ALX4: variants seen among roughly 807,000 people sequenced by gnomAD.
The protein encoded by ALX4 is ALX homeobox 4, also known as homeobox protein aristaless-like 4.
A neutral mutation model predicts 40.6 loss-of-function variants in ALX4; 22 were observed. The ratio of observed to expected loss-of-function variants is 0.54; its 90% CI spans 0.39 to 0.77. ALX4 has a LOEUF of 0.77. Among genes scored for constraint, ALX4 ranks in the 30% least tolerant of loss-of-function variants. The pLI, the probability that ALX4 is intolerant of heterozygous loss-of-function variation, is 0.00. For synonymous variants in ALX4, 266 were observed against 240.5 expected, an observed-to-expected ratio of 1.11 and a Z score of -0.98; for missense variants, 556 against 564.8, an observed-to-expected ratio of 0.98 and a Z score of 0.16.
intron 1 of ALX4, among the ~76,000 whole-genome samples, chr11:44,283,488 T>C (rs997284484): frequency 1.3e-5 from 2 of 152,206 alleles, no homozygotes; most frequent in African/African-American, 2.4e-5. Flanking sequence ...AATCAAAATA[T>C]TCAACAATAG....
Position 44,310,009 on chromosome 11 carries a change from G to A in ALX4, c.54C>T (p.Asp18=). ...TCTGCGACACCGGGCTGTAGTAGGC[G>A]TCCATGGCAGCGGCCGGCGACTCGC... The part of the protein sequence containing the change: ...SYCESPAAAM[D]AYYSPVSQSR... The change falls in exon 1 of 4, where the codon GAC becomes GAT. Residue 18 remains aspartate (D), a synonymous_variant. Coordinates refer to ENST00000652299, the MANE Select transcript of ALX4 (RefSeq NM_021926.4). The A allele has an allele frequency of 6.2e-7, 1 of 1,603,776 alleles. No individual in the cohort carries two copies. Among genetic ancestry groups the A allele is most frequent in the Non-Finnish European group, 8.5e-7 (1 of 1,175,380 alleles).
chr11:44,265,464 C>T (rs966516446), intron 3 of ALX4, among the ~76,000 whole-genome samples: 4 of 152,082 alleles, frequency 2.6e-5, no homozygotes, highest in African/African-American at 9.7e-5. Context: ...CACCCCAGCA[C>T]CCCCCAGCTG....
intron 1 of ALX4, among the ~76,000 whole-genome samples, chr11:44,280,252 G>A (rs778730482): frequency 3.9e-5 from 6 of 152,210 alleles, no homozygotes; most frequent in Non-Finnish European, 8.8e-5. Flanking sequence ...AAGCAGAGAC[G>A]GGCTTCATAG....
chr11:44,282,380 C>G (rs1956315007), intron 1 of ALX4, among the ~76,000 whole-genome samples: 1 of 152,140 alleles, frequency 6.6e-6, no homozygotes. Context: ...CCCGGAACTC[C>G]CATCCATCAC....
intron 2 of ALX4, 94 bp from the exon 3 acceptor site, chr11:44,267,716 A>G: frequency 1.3e-6 from 2 of 1,576,204 alleles, no homozygotes; most frequent in Non-Finnish European, 1.7e-6. Context: ...TGAGCCCCCC[A>G]TCAGTTGCAG....
intron 1 of ALX4, among the ~76,000 whole-genome samples, chr11:44,283,171 C>A (rs759850136): frequency 6.7e-6 from 1 of 149,810 alleles, no homozygotes; most frequent in Non-Finnish European, 1.5e-5. Context: ...CGCTTGAACA[C>A]GGGAGGTGCA....
intron 3 of ALX4, 51 bp downstream of exon 3, chr11:44,267,443 C>G: frequency 6.2e-7 from 1 of 1,608,598 alleles, no homozygotes; most frequent in Non-Finnish European, 8.5e-7. Flanking sequence ...GGCTCATTCT[C>G]AGAGCACCAG....
chr11:44,275,214 T>G (rs1956270593), intron 2 of ALX4, 134 bp downstream of exon 2: 2 of 914,910 alleles, frequency 2.2e-6, no homozygotes, highest in Non-Finnish European at 3.5e-6. Context: ...AGCCCCCACT[T>G]TCAGGTTCTC....
rs73541717 is a variant in ALX4 at position 44,285,468 on chromosome 11, C to T, written c.467-9810G>A. Among the ~76,000 whole-genome samples, 1,263 of 152,280 alleles carry T rather than the reference C, an allele frequency of 8.3e-3. 20 individuals carry two copies. The highest frequency in any genetic ancestry group is 0.029 in the African/African-American group (1,186 of 41,546). On this transcript the variant is annotated intron_variant, in intron 1 of 3. Coordinates refer to ENST00000652299, the MANE Select transcript of ALX4 (RefSeq NM_021926.4). ...TTTAAATCTCTCAATACATGCATGG[C>T]GATTCCCTTAGGAGAAGCTCCAAGA...
chr11:44,274,449 T>C (rs1373631058), intron 2 of ALX4, among the ~76,000 whole-genome samples: 1 of 149,978 alleles, frequency 6.7e-6, no homozygotes, highest in Non-Finnish European at 1.5e-5. Flanking sequence ...GGTTGAGTTC[T>C]ATTCGGTTGC....
chr11:44,309,561 G>A (rs764796482), intron 1 of ALX4, 36 bp downstream of exon 1: 3 of 1,549,712 alleles, frequency 1.9e-6, no homozygotes, highest in African/African-American at 1.4e-5. Context: ...AGCACCCCGT[G>A]GTCCCCAGCA....
At position 44,274,878 on chromosome 11, in the gene ALX4, G is replaced by A. The variant is rs75074841; in HGVS notation, c.777+470C>T. Among the ~76,000 whole-genome samples the A allele has an allele frequency of 9.2e-3, 1,405 of 152,260 alleles. 23 individuals are homozygous for A. Among genetic ancestry groups the A allele is most frequent in the African/African-American group, 0.032 (1,336 of 41,544 alleles). On this transcript the variant is annotated intron_variant, in intron 2 of 3. Coordinates refer to ENST00000652299, the MANE Select transcript of ALX4 (RefSeq NM_021926.4). ...AGTTGGGACTTGAAAAATGGAGGGGGATGCAGCCATCTAGGCAGAAGGAAG... is the reference window on the plus strand; with the variant it reads ...AGTTGGGACTTGAAAAATGGAGGGGAATGCAGCCATCTAGGCAGAAGGAAG...
At chr11:44,308,665 G>C (rs1272452015) in intron 1 of ALX4, among the ~76,000 whole-genome samples, 2 of 152,236 alleles carry the variant, frequency 1.3e-5, no homozygotes, top group Non-Finnish European at 2.9e-5. Context: ...GTGCTCTGGG[G>C]GGCCCAGGCC....
At chr11:44,275,266 A>G in intron 2 of ALX4, 82 bp downstream of exon 2, 2 of 1,427,994 alleles carry the variant, frequency 1.4e-6, no homozygotes, top group Non-Finnish European at 2.0e-6. Flanking sequence ...GTTGGTGGGC[A>G]GTCAGGAGAC....
At chr11:44,289,519 A>T (rs184618707) in intron 1 of ALX4, among the ~76,000 whole-genome samples, 2 of 152,324 alleles carry the variant, frequency 1.3e-5, no homozygotes, top group East Asian at 3.9e-4. Flanking sequence ...CATAGCTAGG[A>T]GGGGCAGACT....
At chr11:44,298,346 C>T (rs911291790) in intron 1 of ALX4, among the ~76,000 whole-genome samples, 6 of 152,152 alleles carry the variant, frequency 3.9e-5, no homozygotes, top group Non-Finnish European at 7.4e-5. Flanking sequence ...GCCTTGGAGC[C>T]GGATGCCCTG....
At position 44,260,618 on chromosome 11, in the gene ALX4, A is replaced by T. The variant is rs1956177273; in HGVS notation, c.*4236T>A. Reference sequence around the variant, plus strand: ...CCTCTCCCAAAAAAGATGTAAGTGCAATAACTTACTTTAAAAGGCAAGAAC... The same window carrying T: ...CCTCTCCCAAAAAAGATGTAAGTGCTATAACTTACTTTAAAAGGCAAGAAC... On this transcript the variant is annotated 3_prime_UTR_variant, in exon 4 of 4. Transcript: ENST00000652299. 6.6e-6 allele frequency: 1 copy of T among 152,206 alleles called. No individual in the cohort carries two copies. The highest frequency in any genetic ancestry group is 2.4e-5 in the African/African-American group (1 of 41,450). 9.4% of individuals were successfully genotyped at this position (152,206 alleles called of 1,614,324 possible). A position where few individuals can be genotyped will look rare whatever the true frequency, so the allele number is the denominator to read the frequency against.
chr11:44,291,605 C>G (rs7946345), intron 1 of ALX4, among the ~76,000 whole-genome samples: 102,567 of 151,726 alleles, frequency 0.68, 34,926 homozygotes, highest in South Asian at 0.89. Context: ...GGGTTTCACT[C>G]TTGTTGTCCC....
chr11:44,278,156 C>T (rs1335072386), intron 1 of ALX4, among the ~76,000 whole-genome samples: 1 of 152,074 alleles, frequency 6.6e-6, no homozygotes, highest in Non-Finnish European at 1.5e-5. Context: ...TCTCACAGCC[C>T]CATAGACGCT....
Sources: allele counts gnomAD v4.1 joint callset (sites outside exome capture counted in the v4.1 genomes callset), GRCh38; gene constraint gnomAD v4.1.1; transcripts MANE v1.5; gene names NCBI Gene and HGNC (gene_info 2026-07-23, HGNC 2026-07-21).